Variants in SAMTOR observed in about 807,000 individuals in gnomAD.
The protein encoded by SAMTOR is S-adenosylmethionine sensor upstream of mTORC1, also known as UPF0532 protein C7orf60.
the SAMTOR span, among the ~76,000 whole-genome samples, chr7:112,874,315 A>G: frequency 6.6e-6 from 1 of 152,180 alleles, no homozygotes; most frequent in African/African-American, 2.4e-5. Context: ...ATAGTGGACT[A>G]AAGAAAATGT....
At chr7:112,902,462 C>CAAAAAAAAAAAA in the SAMTOR span, among the ~76,000 whole-genome samples, 26 of 83,662 alleles carry the variant, frequency 3.1e-4, no homozygotes, top group East Asian at 8.5e-4. Flanking sequence ...AAAAAAAAAC[C>CAAAAAAAAAAAA]AAAAAAGTTG....
At chr7:112,839,625 T>TG in the SAMTOR span, among the ~76,000 whole-genome samples, 4 of 151,836 alleles carry the variant, frequency 2.6e-5, no homozygotes, top group African/African-American at 9.7e-5. Context: ...GGGAGTTTTC[T>TG]GTATTAATGC....
At chr7:112,914,998 T>G in the SAMTOR span, among the ~76,000 whole-genome samples, 1 of 152,132 alleles carries the variant, frequency 6.6e-6, no homozygotes, top group African/African-American at 2.4e-5. Context: ...CCAAGCACTT[T>G]GGGAGGCTGA....
the SAMTOR span, among the ~76,000 whole-genome samples, chr7:112,865,667 CATACATATATTCATATATATTTCATAT>C: frequency 8.6e-5 from 8 of 92,930 alleles, no homozygotes; most frequent in African/African-American, 1.0e-4. Flanking sequence ...ATATTTCATA[CATACATATATTCATATATATTTCATAT>C]ATACATATAT....
the SAMTOR span, among the ~76,000 whole-genome samples, chr7:112,919,421 C>T: frequency 6.6e-6 from 1 of 151,916 alleles, no homozygotes; most frequent in Non-Finnish European, 1.5e-5. Flanking sequence ...ATACAACATA[C>T]CAGAATCTCT....
At chr7:112,902,556 C>T in the SAMTOR span, among the ~76,000 whole-genome samples, 1 of 148,190 alleles carries the variant, frequency 6.7e-6, no homozygotes. Context: ...ATGGAGGATA[C>T]ATGTCATTAT....
chr7:112,912,264 T>C, the SAMTOR span, among the ~76,000 whole-genome samples: 69 of 152,146 alleles, frequency 4.5e-4, no homozygotes, highest in African/African-American at 1.3e-3. Context: ...AGTGTGTTTA[T>C]AGTATATATT....
chr7:112,856,740 T>C, the SAMTOR span, among the ~76,000 whole-genome samples: 1 of 152,234 alleles, frequency 6.6e-6, no homozygotes, highest in Non-Finnish European at 1.5e-5. Context: ...AAAATATTTA[T>C]TGTCCAAATG....
chr7:112,906,481 A>C, the SAMTOR span, among the ~76,000 whole-genome samples: 1 of 152,204 alleles, frequency 6.6e-6, no homozygotes, highest in African/African-American at 2.4e-5. Flanking sequence ...AGAAATGTGC[A>C]TAATCACTAT....
At chr7:112,821,664 C>A in the SAMTOR span, 1 of 1,353,738 alleles carries the variant, frequency 7.4e-7, no homozygotes, top group Non-Finnish European at 1.0e-6. Context: ...GTTTTCAGTA[C>A]TGAGTTCATG....
chr7:112,939,847 G>C, the SAMTOR span: 8 of 934,622 alleles, frequency 8.6e-6, no homozygotes, highest in Non-Finnish European at 1.1e-5. Context: ...GGAGGCAGCA[G>C]CCAGAGGAGG....
the SAMTOR span, among the ~76,000 whole-genome samples, chr7:112,847,862 G>C: frequency 6.6e-6 from 1 of 152,184 alleles, no homozygotes; most frequent in African/African-American, 2.4e-5. Flanking sequence ...TATAGGCCAG[G>C]TGCTGTGGCT....
chr7:112,931,640 A>C, the SAMTOR span, among the ~76,000 whole-genome samples: 2 of 152,214 alleles, frequency 1.3e-5, no homozygotes, highest in Admixed American at 6.5e-5. Context: ...CTTAATTTTC[A>C]TATGTTCAAT....
At chr7:112,891,276 C>T in the SAMTOR span, among the ~76,000 whole-genome samples, 7 of 152,030 alleles carry the variant, frequency 4.6e-5, no homozygotes, top group African/African-American at 1.7e-4. Context: ...TTGTAGTAAC[C>T]TTTGAATAAA....
At chr7:112,822,136 T>C in the SAMTOR span, 5 of 1,613,926 alleles carry the variant, frequency 3.1e-6, no homozygotes, top group Admixed American at 6.7e-5. Context: ...TCAGGTGTGA[T>C]GATTAGTAAT....
At chr7:112,880,816 C>G in the SAMTOR span, among the ~76,000 whole-genome samples, 1 of 152,122 alleles carries the variant, frequency 6.6e-6, no homozygotes, top group Non-Finnish European at 1.5e-5. Flanking sequence ...GAAATACTTA[C>G]AATTTTGTAT....
the SAMTOR span, chr7:112,939,236 CG>C: frequency 7.1e-6 from 2 of 281,116 alleles, no homozygotes; most frequent in Non-Finnish European, 6.8e-6. Context: ...TGTTTTACCT[CG>C]GCGTCTCTTG....
At chr7:112,832,524 G>T in the SAMTOR span, 1 of 1,156,390 alleles carries the variant, frequency 8.6e-7, no homozygotes, top group Non-Finnish European at 1.3e-6. Context: ...AAATATACAT[G>T]TAAAATATTA....
chr7:112,837,695 A>G, the SAMTOR span, among the ~76,000 whole-genome samples: 1 of 151,972 alleles, frequency 6.6e-6, no homozygotes, highest in Non-Finnish European at 1.5e-5. Flanking sequence ...GTGTGTATAT[A>G]CAGTAAATTC....
Sources: gnomAD v4.1 joint callset for allele counts (sites outside exome capture counted in the v4.1 genomes callset) on GRCh38, gnomAD v4.1.1 for gene constraint, MANE v1.5 for transcripts, NCBI Gene and HGNC (gene_info 2026-07-23, HGNC 2026-07-21) for gene names.